Variants in LHX8 observed in about 807,000 individuals in gnomAD.
The protein encoded by LHX8 is LIM/homeobox protein Lhx8.
In LHX8, 12 loss-of-function variants were observed where a neutral mutation model predicts 40.3. That is an observed-to-expected ratio of 0.30 (90% CI 0.19 to 0.48). LHX8 has a LOEUF of 0.48. Ranked by LOEUF, LHX8 falls within the 20% of genes least tolerant of loss-of-function variation. LHX8 has a pLI of 0.99. For synonymous variants in LHX8, 179 were observed against 162.0 expected (o/e 1.10, Z -0.80); for missense variants, 344 against 433.7 (o/e 0.79, Z 1.84).
At chr1:75,158,940 G>A (rs1442664706) in intron 8 of LHX8, among the ~76,000 whole-genome samples, 2 of 152,030 alleles carry the variant, frequency 1.3e-5, no homozygotes, top group African/African-American at 2.4e-5. Flanking sequence ...TTAGGAAATT[G>A]CCATCTTAAC....
chr1:75,147,104 A>G (rs1453140442), intron 6 of LHX8, among the ~76,000 whole-genome samples: 1 of 152,226 alleles, frequency 6.6e-6, no homozygotes, highest in East Asian at 1.9e-4. Context: ...GAAAGAAAGA[A>G]TAAAGTGAAC....
At chr1:75,179,461 T>G in the LHX8 span, among the ~76,000 whole-genome samples, 7 of 152,152 alleles carry the variant, frequency 4.6e-5, no homozygotes, top group South Asian at 1.5e-3. Context: ...TTTTTTGGTT[T>G]GAAGTCTGTT....
At chr1:75,178,212 C>T in the LHX8 span, among the ~76,000 whole-genome samples, 1 of 152,110 alleles carries the variant, frequency 6.6e-6, no homozygotes. Context: ...GGAGGATTCC[C>T]TCTTTTTCTA....
At position 75,148,690 on chromosome 1, in the gene LHX8, CT is replaced by C; in HGVS notation, c.780+11del. 1 of 1,535,896 alleles carries C rather than the reference CT, an allele frequency of 6.5e-7. No homozygotes were observed. The stretch of plus-strand genomic sequence containing the variant: ...AGCAGACGTGTGATACAGGTGATTA[CT>C]TTACTTTTTTTTTTTTTTAAGGTTT... On this transcript the variant is annotated intron_variant, in intron 7 of 8. Transcript: ENST00000356261.
At chr1:75,177,519 G>T in the LHX8 span, among the ~76,000 whole-genome samples, 1 of 152,114 alleles carries the variant, frequency 6.6e-6, no homozygotes, top group East Asian at 1.9e-4. Flanking sequence ...TTTGCACATT[G>T]ATTTTGTATC....
chr1:75,153,277 T>G (rs767632272), intron 7 of LHX8, among the ~76,000 whole-genome samples: 9 of 152,156 alleles, frequency 5.9e-5, no homozygotes, highest in African/African-American at 1.2e-4. Flanking sequence ...AGCTAATTTT[T>G]GTATTTTTTG....
chr1:75,141,190 GT>G, intron 4 of LHX8, 84 bp downstream of exon 4: 1 of 1,474,446 alleles, frequency 6.8e-7, no homozygotes, highest in Non-Finnish European at 9.3e-7. Flanking sequence ...TTCTTGTTCA[GT>G]TTTATTTAAT....
chr1:75,161,277 G>T lies in LHX8; in HGVS notation c.*382G>T. On this transcript the variant is annotated 3_prime_UTR_variant, in exon 9 of 9. Coordinates refer to ENST00000356261, the MANE Select transcript of LHX8 (RefSeq NM_001256114.2). ...GTTTATCATTAGTTTGTATCTGTAA[G>T]TTATTGTAATAAATATTACCTGTAT... is the stretch of plus-strand genomic sequence containing the variant. 1 of 205,982 alleles carries T rather than the reference G, an allele frequency of 4.9e-6. No homozygotes were observed. The highest frequency in any genetic ancestry group is 1.3e-4 in the East Asian group (1 of 7,462). The allele number at this position is 205,982 out of a possible 1,614,324, so 12.8% of individuals were successfully genotyped here. A position where few individuals can be genotyped will look rare whatever the true frequency, so the allele number is the denominator to read the frequency against.
At chr1:75,191,213 G>C in the LHX8 span, among the ~76,000 whole-genome samples, 2 of 152,066 alleles carry the variant, frequency 1.3e-5, no homozygotes, top group African/African-American at 4.8e-5. Flanking sequence ...CACACAGCCA[G>C]GCCAAGAATG....
chr1:75,192,460 A>C, the LHX8 span, among the ~76,000 whole-genome samples: 6 of 152,132 alleles, frequency 3.9e-5, no homozygotes, highest in Non-Finnish European at 5.9e-5. Flanking sequence ...AAGTTCAATA[A>C]ACCCTGAGTT....
rs199821156 is a variant in LHX8 at position 75,160,944 on chromosome 1, T to C, written c.*49T>C. 7 of 1,329,196 alleles carry C rather than the reference T, an allele frequency of 5.3e-6. No individual in the cohort carries two copies. In the East Asian group the frequency reaches 1.6e-4, roughly 31 times the overall value. The allele number at this position is 1,329,196 out of a possible 1,614,324, so 82.3% of individuals were successfully genotyped here. The stretch of plus-strand genomic sequence containing the variant: ...ATTAAGGATATAAATTTGTCATTTA[T>C]TATGTATAAAATACCATTGAAAAGA... On this transcript the variant is annotated 3_prime_UTR_variant, in exon 9 of 9. Transcript: ENST00000356261.
chr1:75,156,210 T>TTTG (rs71917165), intron 7 of LHX8, among the ~76,000 whole-genome samples: 46 of 149,258 alleles, frequency 3.1e-4, no homozygotes, highest in South Asian at 4.3e-4. Flanking sequence ...TTGTTTGGGC[T>TTTG]TTGTTGTTGT....
chr1:75,168,662 G>T, the LHX8 span, among the ~76,000 whole-genome samples: 8 of 152,024 alleles, frequency 5.3e-5, no homozygotes, highest in Non-Finnish European at 1.2e-4. Context: ...CTGGCCTCAG[G>T]TGCAGGAATT....
chr1:75,149,536 A>G (rs1029163416), intron 7 of LHX8, among the ~76,000 whole-genome samples: 1 of 152,118 alleles, frequency 6.6e-6, no homozygotes, highest in Non-Finnish European at 1.5e-5. Flanking sequence ...CTGAAGAGAC[A>G]CTTTACTGGG....
At chr1:75,164,743 T>C (rs996007119), downstream of LHX8, among the ~76,000 whole-genome samples, 1 of 151,824 alleles carries the variant, frequency 6.6e-6, no homozygotes, top group African/African-American at 2.4e-5. Context: ...TTTTTTTTTT[T>C]TCCAGGCAGA....
chr1:75,151,791 CAAA>C (rs1255596630), intron 7 of LHX8, among the ~76,000 whole-genome samples: 1 of 152,168 alleles, frequency 6.6e-6, no homozygotes, highest in African/African-American at 2.4e-5. Context: ...AAGTTGGAAG[CAAA>C]GAAGAAGGAG....
chr1:75,168,857 C>G, the LHX8 span, among the ~76,000 whole-genome samples: 2 of 152,164 alleles, frequency 1.3e-5, no homozygotes, highest in African/African-American at 4.8e-5. Context: ...TGAAATGTCT[C>G]TAGAATTTAC....
chr1:75,141,521 G>A (rs548185496), intron 4 of LHX8, among the ~76,000 whole-genome samples: 1 of 152,248 alleles, frequency 6.6e-6, no homozygotes, highest in East Asian at 1.9e-4. Context: ...GTTTACCATA[G>A]AATGATCCCT....
the LHX8 span, among the ~76,000 whole-genome samples, chr1:75,187,690 T>C: frequency 6.6e-6 from 1 of 152,184 alleles, no homozygotes; most frequent in East Asian, 1.9e-4. Context: ...GAAATGCTGT[T>C]GTGATAGTAA....
Sources: allele counts gnomAD v4.1 joint callset (sites outside exome capture counted in the v4.1 genomes callset), GRCh38; gene constraint gnomAD v4.1.1; transcripts MANE v1.5; gene names NCBI Gene and HGNC (gene_info 2026-07-23, HGNC 2026-07-21).